TRIM25: variants seen among roughly 807,000 people sequenced by gnomAD.
TRIM25 encodes the protein tripartite motif containing 25.
TRIM25 carries 45 observed loss-of-function variants against 65.2 expected under a neutral mutation model. The observed-to-expected ratio is 0.69, with a 90% confidence interval of 0.54 to 0.89. The LOEUF (loss-of-function observed/expected upper bound fraction) is 0.89. Among genes scored for constraint, TRIM25 ranks in the 40% least tolerant of loss-of-function variants. TRIM25 has a pLI of 0.00. For synonymous variants in TRIM25, 321 were observed against 340.4 expected, an observed-to-expected ratio of 0.94 and a Z score of 0.63; for missense variants, 714 against 803.7, an observed-to-expected ratio of 0.89 and a Z score of 1.35.
chr17:56,895,156 C>A (rs1909264634), intron 8 of TRIM25, among the ~76,000 whole-genome samples, 187 bp downstream of exon 8: 1 of 152,052 alleles, frequency 6.6e-6, no homozygotes, highest in Admixed American at 6.6e-5. Flanking sequence ...ATTGTGAAAT[C>A]TGAGCTAGTT....
chr17:56,908,326 T>C lies in TRIM25; in HGVS notation c.693+142A>G, dbSNP rs145569680. 350 of 806,610 alleles carry C rather than the reference T, an allele frequency of 4.3e-4. 3 individuals are homozygous for C. The African/African-American group carries it at 4.4e-3, about 10-fold the overall frequency. The allele number at this position is 806,610 out of a possible 1,614,324, so 50.0% of individuals were successfully genotyped here. ...TCTCTCAGACACACAGCTGTCTGCA[T>C]GCTTTGCAAGGTTGATGTTTCATCC... On this transcript the variant is annotated intron_variant, in intron 2 of 8. Transcript: ENST00000316881.
In TRIM25 at chr17:56,891,567, C is replaced by CCCCCACCCCA; in HGVS notation, c.*132_*133insTGGGGTGGGG. 1.2e-6 allele frequency: 1 copy of CCCCCACCCCA among 811,838 alleles called. No homozygotes were observed. Among genetic ancestry groups the CCCCCACCCCA allele is most frequent in the Non-Finnish European group, 1.9e-6 (1 of 539,154 alleles). 50.3% of individuals were successfully genotyped at this position (811,838 alleles called of 1,614,324 possible). ...TGGCTAAATCCCACCTCCCACCCTC[C>CCCCCACCCCA]CGCCAGCTCCCCTCCCATGCTCCCA... On this transcript the variant is annotated 3_prime_UTR_variant, in exon 9 of 9. Coordinates refer to ENST00000316881, the MANE Select transcript of TRIM25 (RefSeq NM_005082.5).
At chr17:56,897,808 C>CA (rs1909323232) in intron 5 of TRIM25, among the ~76,000 whole-genome samples, 1 of 152,174 alleles carries the variant, frequency 6.6e-6, no homozygotes, top group Admixed American at 6.5e-5. Flanking sequence ...GGACACAGGT[C>CA]AACAGTACCT....
Position 56,890,538 on chromosome 17 carries a change from G to A in TRIM25, c.*1162C>T, listed in dbSNP as rs569997964. ...GAACAGGAATGTTCCTGTTCCCCAT[G>A]AGGTTTGCTAAAAGACCCCTTTGGT... On this transcript the variant is annotated 3_prime_UTR_variant, in exon 9 of 9. Coordinates refer to ENST00000316881, the MANE Select transcript of TRIM25 (RefSeq NM_005082.5). 37 of 453,268 alleles carry A rather than the reference G, an allele frequency of 8.2e-5. No homozygotes were observed. The highest frequency in any genetic ancestry group is 5.7e-4 in the South Asian group (37 of 64,354). The allele number at this position is 453,268 out of a possible 1,614,324, so 28.1% of individuals were successfully genotyped here.
chr17:56,913,972 G>C lies in TRIM25; in HGVS notation c.17C>G (p.Pro6Arg), dbSNP rs1489771334. The C allele has an allele frequency of 6.4e-7, 1 of 1,573,028 alleles. No individual in the cohort carries two copies. Among genetic ancestry groups the C allele is most frequent in the East Asian group, 2.3e-5 (1 of 43,750 alleles). Residue 6 changes from proline to arginine, a missense_variant, in exon 1 of 9, where the codon CCC (proline) becomes CGC (arginine). Physicochemically the swap from Pro to Arg is moderately radical, Grantham distance 103. Coordinates refer to ENST00000316881, the MANE Select transcript of TRIM25 (RefSeq NM_005082.5). The surrounding 1 kb of genome is among the most constrained non-coding windows in gnomAD (Gnocchi z 6.1). MAELCPLAEELSCSIC... is the reference protein window; with the variant it reads MAELCRLAEELSCSIC... ...GGAGCACGACAGCTCCTCGGCCAGG[G>C]GGCACAGCTCTGCCATGGCGCTCCC...
In TRIM25 at chr17:56,891,554, A is replaced by ACCCCCCCCCCCCC; in HGVS notation, c.*145_*146insGGGGGGGGGGGGG. The ACCCCCCCCCCCCC allele has an allele frequency of 3.7e-6, 1 of 272,548 alleles. No homozygotes were observed. 16.9% of individuals were successfully genotyped at this position (272,548 alleles called of 1,614,324 possible). A position where few individuals can be genotyped will look rare whatever the true frequency, so the allele number is the denominator to read the frequency against. On this transcript the variant is annotated 3_prime_UTR_variant, in exon 9 of 9. Coordinates refer to ENST00000316881, the MANE Select transcript of TRIM25 (RefSeq NM_005082.5). ...CTCACCCCTTTCCTGGCTAAATCCC[A>ACCCCCCCCCCCCC]CCTCCCACCCTCCCGCCAGCTCCCC... is the stretch of plus-strand genomic sequence containing the variant.
At chr17:56,894,093 C>T (rs553968968) in intron 8 of TRIM25, among the ~76,000 whole-genome samples, 1 of 152,322 alleles carries the variant, frequency 6.6e-6, no homozygotes, top group Admixed American at 6.5e-5. Context: ...CAGTTGAGAG[C>T]CACCAATGTA....
Position 56,895,561 on chromosome 17 carries a change from G to A in TRIM25, c.1224C>T (p.Ala408=), listed in dbSNP as rs1334446575. The A allele has an allele frequency of 6.3e-7, 1 of 1,585,186 alleles. No individual in the cohort carries two copies. Among genetic ancestry groups the A allele is most frequent in the Non-Finnish European group, 8.6e-7 (1 of 1,163,386 alleles). The change falls in exon 7 of 9, where the codon GCC becomes GCT. Residue 408 remains alanine, a synonymous_variant. Coordinates refer to ENST00000316881, the MANE Select transcript of TRIM25 (RefSeq NM_005082.5). ...ALPSKLPTFG[A]PEQLVDLKQA... is the part of the protein sequence containing the mutation. ...GTTTTAAATCCACTAACTGTTCCGG[G>A]GCTCCAAACGTGGGAAGCTTGCTGG...
Position 56,889,582 on chromosome 17 carries a change from C to G in TRIM25, c.*2118G>C, listed in dbSNP as rs955071815. ...CCAAAGCACCTTGCACAGAGCTTGG[C>G]TTTGGTTACCTACTTGACTCTCTTT... is the stretch of plus-strand genomic sequence containing the variant. On this transcript the variant is annotated 3_prime_UTR_variant, in exon 9 of 9. Transcript: ENST00000316881. 2.5e-5 allele frequency: 10 copies of G among 394,920 alleles called. No homozygotes were observed. The highest frequency in any genetic ancestry group is 2.1e-4 in the African/African-American group (10 of 48,554). The allele number at this position is 394,920 out of a possible 1,614,324, so 24.5% of individuals were successfully genotyped here.
intron 4 of TRIM25, among the ~76,000 whole-genome samples, chr17:56,901,145 T>G (rs906645638): frequency 6.6e-6 from 1 of 152,148 alleles, no homozygotes; most frequent in African/African-American, 2.4e-5. Context: ...CCCATCCAAG[T>G]TGGCCTCAAG....
rs969979394 is a variant in TRIM25, at chr17:56,901,690, T to C, written c.928-112A>G. 22 of 1,382,486 alleles carry C rather than the reference T, an allele frequency of 1.6e-5. No individual in the cohort carries two copies. The African/African-American group carries it at 1.9e-4, about 12-fold the overall frequency. 85.6% of individuals were successfully genotyped at this position (1,382,486 alleles called of 1,614,324 possible). ...CTATGCCCAAGAGTGCTAAGTCCAA[T>C]TGGCCTTCTCAAATTACAGGCCAGA... On this transcript the variant is annotated intron_variant, in intron 3 of 8. Transcript: ENST00000316881.
intron 1 of TRIM25, chr17:56,908,854 T>TA (rs1348631326): frequency 2.7e-6 from 1 of 370,142 alleles, no homozygotes; most frequent in African/African-American, 2.0e-5. Context: ...ACAAAATAGA[T>TA]ACAACTGTCC....
Position 56,899,831 on chromosome 17 carries a change from A to G in TRIM25, c.1088-651T>C, listed in dbSNP as rs534257078. On this transcript the variant is annotated intron_variant, in intron 4 of 8. Coordinates refer to ENST00000316881, the MANE Select transcript of TRIM25 (RefSeq NM_005082.5). ...ACAGTGGCTCAAGCCTGTAATCCCA[A>G]TGATTTGGGAGGCCAAGGCAGGAGC... 2.1e-4 allele frequency among the ~76,000 whole-genome samples: 32 copies of G among 152,284 alleles called. No individual in the cohort carries two copies. In the South Asian group the frequency reaches 6.2e-3, roughly 30 times the overall value.
chr17:56,891,846 A>C lies in TRIM25; in HGVS notation c.1747T>G (p.Cys583Gly). The change falls in exon 9 of 9, where the codon TGT (cysteine) becomes GGT (glycine). Residue 583 changes from cysteine to glycine, a missense_variant. Physicochemically the swap from Cys to Gly is radical, Grantham distance 159. Transcript: ENST00000316881. ...KATRVGVLLN[C>G]DHGFVIFFAV... ...AAGAAGATGACAAAGCCGTGGTCAC[A>C]GTTGAGAAGCACGCCCACCCGCGTG... The C allele has an allele frequency of 6.2e-7, 1 of 1,614,260 alleles. No individual in the cohort carries two copies. Among genetic ancestry groups the C allele is most frequent in the Non-Finnish European group, 8.5e-7 (1 of 1,180,036 alleles).
intron 4 of TRIM25, among the ~76,000 whole-genome samples, chr17:56,899,420 C>A (rs1332791030): frequency 6.6e-6 from 1 of 152,206 alleles, no homozygotes; most frequent in Non-Finnish European, 1.5e-5. Flanking sequence ...TCCACCAGCA[C>A]CCAGCTCTGT....
At chr17:56,898,972 C>T in intron 5 of TRIM25, 143 bp downstream of exon 5, 1 of 840,704 alleles carries the variant, frequency 1.2e-6, no homozygotes, top group South Asian at 1.6e-5. Context: ...CTACAGCCCC[C>T]CGCAGTGGGG....
Position 56,913,400 on chromosome 17 carries a change from C to T in TRIM25, c.589G>A (p.Asp197Asn). 6 of 1,561,362 alleles carry T rather than the reference C, an allele frequency of 3.8e-6. No individual in the cohort carries two copies. In the African/African-American group the frequency reaches 4.1e-5, roughly 11 times the overall value. ...AGCAGGCCGTTCCCTACCTCCAGGT[C>T]GGCGCTGGCCTGGCTCAGGGACGCG... ...SPASLSQASADLEATLRHKLT... is the reference protein window; with the variant it reads ...SPASLSQASANLEATLRHKLT... Residue 197 changes from aspartate (D) to asparagine (N), a missense_variant, in exon 1 of 9, where the codon GAC (aspartate) becomes AAC (asparagine). Around this residue, in one of 3 missense-constraint regions of TRIM25, gnomAD observed 291 missense variants for 281.8 expected, o/e 1.03. Transcript: ENST00000316881. The surrounding 1 kb of genome is among the most constrained non-coding windows in gnomAD (Gnocchi z 6.1).
chr17:56,895,827 A>G (rs1266588546), intron 6 of TRIM25, 99 bp downstream of exon 6: 1 of 1,482,752 alleles, frequency 6.7e-7, no homozygotes, highest in African/African-American at 1.4e-5. Flanking sequence ...AGAACCCATC[A>G]CAGAACCCTG....
At chr17:56,894,541 C>T (rs886738494) in intron 8 of TRIM25, among the ~76,000 whole-genome samples, 2 of 152,224 alleles carry the variant, frequency 1.3e-5, no homozygotes, top group Admixed American at 6.5e-5. Flanking sequence ...TGAGCCACCG[C>T]ACCCAGCTAG....
Sources: allele counts gnomAD v4.1 joint callset (sites outside exome capture counted in the v4.1 genomes callset), GRCh38; gene constraint gnomAD v4.1.1; regional missense constraint gnomAD v4.1.1; non-coding constraint Gnocchi (gnomAD v3.1); transcripts MANE v1.5; gene names NCBI Gene and HGNC (gene_info 2026-07-23, HGNC 2026-07-21).